AFTPH: variants seen among roughly 807,000 people sequenced by gnomAD.
AFTPH encodes aftiphilin protein.
In AFTPH, 7 loss-of-function variants were observed where a neutral mutation model predicts 72.5. That is an observed-to-expected ratio of 0.10 (90% CI 0.05 to 0.18). AFTPH has a LOEUF of 0.18. AFTPH is among the 10% of genes least tolerant of loss of function. The pLI is 1.00. For missense variants in AFTPH, 979 were observed against 1,060.5 expected, an observed-to-expected ratio of 0.92 and a Z score of 1.07; for synonymous variants, 337 against 370.1, an observed-to-expected ratio of 0.91 and a Z score of 1.03.
chr2:64,532,546 A>G (rs1249901274), intron 1 of AFTPH, among the ~76,000 whole-genome samples: 1 of 152,150 alleles, frequency 6.6e-6, no homozygotes, highest in Non-Finnish European at 1.5e-5. Flanking sequence ...TTTGTTACAG[A>G]TATTAAAGGA....
rs1671032350 is a variant in AFTPH at position 64,551,314 on chromosome 2, C to T, written c.-32-129C>T. ...TACAAAACATCATGCAGGACATGGTCAAGGAAAAAAGGAGACAAAATAGAG... is the reference window on the plus strand; with the variant it reads ...TACAAAACATCATGCAGGACATGGTTAAGGAAAAAAGGAGACAAAATAGAG... On this transcript the variant is annotated intron_variant, in intron 1 of 8. Coordinates refer to ENST00000238856, the Ensembl canonical transcript of AFTPH. 6 of 710,664 alleles carry T rather than the reference C, an allele frequency of 8.4e-6. No individual in the cohort carries two copies. In the South Asian group the frequency reaches 1.3e-4, roughly 16 times the overall value. The allele number at this position is 710,664 out of a possible 1,614,324, so 44.0% of individuals were successfully genotyped here. A position where few individuals can be genotyped will look rare whatever the true frequency, so the allele number is the denominator to read the frequency against.
At chr2:64,591,475 G>A (rs138625020) in intron 8 of AFTPH, among the ~76,000 whole-genome samples, 1 of 152,372 alleles carries the variant, frequency 6.6e-6, no homozygotes, top group Non-Finnish European at 1.5e-5. Flanking sequence ...TCAGGCTGAG[G>A]TAGTTTTAGC....
intron 1 of AFTPH, among the ~76,000 whole-genome samples, chr2:64,541,369 A>C (rs1670243072): frequency 6.6e-6 from 1 of 152,148 alleles, no homozygotes; most frequent in Non-Finnish European, 1.5e-5. Context: ...TTAGGCTGGC[A>C]AGTTAATTAG....
chr2:64,581,134 C>CT, intron 7 of AFTPH, 56 bp from the exon 8 acceptor site: 1 of 1,320,310 alleles, frequency 7.6e-7, no homozygotes, highest in Non-Finnish European at 1.1e-6. Flanking sequence ...ATAACCCCTC[C>CT]TCCCTTGGCT....
exon 2 of AFTPH, chr2:64,551,911 C>T: frequency 6.2e-7 from 1 of 1,613,610 alleles, no homozygotes; most frequent in Non-Finnish European, 8.5e-7. Flanking sequence ...AATGTTGGAA[C>T]ACTTGAAAGT....
chr2:64,588,865 A>G (rs922446564), intron 8 of AFTPH, among the ~76,000 whole-genome samples: 4 of 152,136 alleles, frequency 2.6e-5, no homozygotes, highest in African/African-American at 9.7e-5. Context: ...GATTACAGGC[A>G]TGAGCCACTG....
At chr2:64,543,568 A>G (rs1177719112) in intron 1 of AFTPH, among the ~76,000 whole-genome samples, 1 of 152,132 alleles carries the variant, frequency 6.6e-6, no homozygotes, top group Admixed American at 6.5e-5. Context: ...TTAGAATCAG[A>G]TATTTTTTTT....
At position 64,524,329 on chromosome 2, in the gene AFTPH, C is replaced by A; in HGVS notation, c.-316C>A. On this transcript the variant is annotated 5_prime_UTR_variant, in exon 1 of 9. It adds an upstream start codon to the 5' untranslated region. Coordinates refer to ENST00000238856, the Ensembl canonical transcript of AFTPH. ...CGTGTCGGCGGCAGCGGTTCCCCCG[C>A]TGCATGATGGGAGAGTGTGTGGAGT... 1 of 399,776 alleles carries A rather than the reference C, an allele frequency of 2.5e-6. No homozygotes were observed. Among genetic ancestry groups the A allele is most frequent in the South Asian group, 1.2e-4 (1 of 8,274 alleles). 24.8% of individuals were successfully genotyped at this position (399,776 alleles called of 1,614,324 possible).
Position 64,567,767 on chromosome 2 carries a change from C to T in AFTPH, c.2087+54C>T, listed in dbSNP as rs1179613404. Reference sequence around the variant, plus strand: ...TGTGTTTTTGTTATTTTTAGTAGTTCTAATTTATAAGTTTATCTTAAAACA... The same window carrying T: ...TGTGTTTTTGTTATTTTTAGTAGTTTTAATTTATAAGTTTATCTTAAAACA... On this transcript the variant is annotated intron_variant, in intron 3 of 8. Coordinates refer to ENST00000238856, the Ensembl canonical transcript of AFTPH. The T allele has an allele frequency of 1.3e-5, 21 of 1,556,308 alleles. No individual in the cohort carries two copies. The East Asian group carries it at 4.3e-4, about 32-fold the overall frequency.
chr2:64,563,741 G>A (rs1671878333), intron 2 of AFTPH, among the ~76,000 whole-genome samples: 1 of 152,110 alleles, frequency 6.6e-6, no homozygotes, highest in African/African-American at 2.4e-5. Flanking sequence ...AAGTAGCTGG[G>A]ATTACAGGCA....
chr2:64,568,177 A>G (rs902812120), intron 3 of AFTPH, among the ~76,000 whole-genome samples: 1 of 152,162 alleles, frequency 6.6e-6, no homozygotes, highest in Non-Finnish European at 1.5e-5. Flanking sequence ...GACTTCTTAG[A>G]ATGAAAACTG....
At chr2:64,555,989 C>CTTTTTTTTTTTTTT (rs774669104) in intron 2 of AFTPH, among the ~76,000 whole-genome samples, 1,873 of 133,390 alleles carry the variant, frequency 0.014, 168 homozygotes, top group East Asian at 0.056. Context: ...GAATTCCTCA[C>CTTTTTTTTTTTTTT]TTTTTTTTTT....
intron 1 of AFTPH, among the ~76,000 whole-genome samples, chr2:64,544,892 A>G (rs77069865): frequency 1.2e-3 from 189 of 152,278 alleles, no homozygotes; most frequent in African/African-American, 4.2e-3. Context: ...CTCGCCATCA[A>G]TTGGTGACCC....
At chr2:64,592,189 T>C in exon 9 of AFTPH, 1 of 634,312 alleles carries the variant, frequency 1.6e-6, no homozygotes, top group South Asian at 3.5e-5. Context: ...TACATAGTAA[T>C]GTATATTTAT....
At chr2:64,563,437 A>C (rs902407639) in intron 2 of AFTPH, among the ~76,000 whole-genome samples, 2 of 152,206 alleles carry the variant, frequency 1.3e-5, no homozygotes, top group African/African-American at 4.8e-5. Context: ...TTTCTTTAAA[A>C]AATTAGTGTC....
chr2:64,578,203 TAAC>T (rs201768551), intron 6 of AFTPH, among the ~76,000 whole-genome samples: 1,576 of 151,876 alleles, frequency 0.01, 35 homozygotes, highest in African/African-American at 0.036. Context: ...TTTACAAAAA[TAAC>T]TGATTCATGC....
chr2:64,579,487 A>T lies in AFTPH; in HGVS notation c.2396A>T (p.Glu799Val), dbSNP rs771609339. ...TGATTTTTTGGTTTTCAACTCTAGG[A>T]GTCTCTACCACCCGTCCAGTTTGAC... Residue 799 changes from glutamate to valine, a missense_variant and splice_region_variant, in exon 7 of 9, where the codon GAG becomes GTG. This residue lies in a region of AFTPH where 438 missense variants were observed against 530.0 expected (regional missense o/e 0.83). Transcript: ENST00000238856. 32 of 1,613,204 alleles carry T rather than the reference A, an allele frequency of 2.0e-5. No individual in the cohort carries two copies. Among genetic ancestry groups the T allele is most frequent in the Non-Finnish European group, 2.7e-5 (32 of 1,179,564 alleles).
Position 64,574,757 on chromosome 2 carries a change from T to G in AFTPH, c.2394+1689T>G, listed in dbSNP as rs540951093. Among the ~76,000 whole-genome samples, 3 of 152,364 alleles carry G rather than the reference T, an allele frequency of 2.0e-5. No individual in the cohort carries two copies. In the East Asian group the frequency reaches 5.8e-4, roughly 29 times the overall value. ...TGGTTGGGCAGCAGACAAAGTGGCT[T>G]GGGCAGAATGTCTCCGTAGGTAGAA... On this transcript the variant is annotated intron_variant, in intron 6 of 8. Coordinates refer to ENST00000238856, the Ensembl canonical transcript of AFTPH.
chr2:64,576,472 AGTTT>A (rs1231915360), intron 6 of AFTPH, among the ~76,000 whole-genome samples: 2 of 152,054 alleles, frequency 1.3e-5, no homozygotes, highest in African/African-American at 4.8e-5. Context: ...TTATTAACTT[AGTTT>A]AAGGGTGAAA....
Sources: allele counts gnomAD v4.1 joint callset (sites outside exome capture counted in the v4.1 genomes callset), GRCh38; gene constraint gnomAD v4.1.1; regional missense constraint gnomAD v4.1.1; transcripts MANE v1.5; gene names NCBI Gene and HGNC (gene_info 2026-07-23, HGNC 2026-07-21).